The following TMEM117 variants were observed in gnomAD, a reference collection of about 807,000 sequenced individuals.
TMEM117 encodes the protein transmembrane protein 117.
Under a neutral mutation model 52.4 loss-of-function variants are expected in TMEM117, and 27 were observed. The observed-to-expected ratio is 0.51, with a 90% CI of 0.38 to 0.71. The LOEUF is 0.71. Ranked by LOEUF, TMEM117 falls within the 30% of genes least tolerant of loss-of-function variation. The pLI, the probability that TMEM117 is intolerant of heterozygous loss-of-function variation, is 0.00. For synonymous variants in TMEM117, 215 were observed against 206.3 expected (o/e 1.04, Z -0.36); for missense variants, 556 against 630.5 (o/e 0.88, Z 1.26).
chr12:43,912,652 A>G (rs1459779319), intron 2 of TMEM117, among the ~76,000 whole-genome samples: 1 of 151,682 alleles, frequency 6.6e-6, no homozygotes, highest in African/African-American at 2.4e-5. Flanking sequence ...TATGTGTTTA[A>G]TGAATGAAAA....
chr12:43,960,115 C>G (rs893615691), intron 3 of TMEM117, among the ~76,000 whole-genome samples: 5 of 152,164 alleles, frequency 3.3e-5, no homozygotes, highest in African/African-American at 1.2e-4. Context: ...TGGGTTCACT[C>G]TTAATTAGGC....
chr12:44,118,052 G>T (rs550208455), intron 3 of TMEM117, among the ~76,000 whole-genome samples: 3 of 150,902 alleles, frequency 2.0e-5, no homozygotes, highest in Non-Finnish European at 4.4e-5. Flanking sequence ...AAAAAAACAC[G>T]TACAGAGAAT....
intron 3 of TMEM117, among the ~76,000 whole-genome samples, chr12:44,085,932 A>C (rs1271220710): frequency 1.3e-5 from 2 of 152,154 alleles, no homozygotes; most frequent in Non-Finnish European, 2.9e-5. Context: ...TTTCAGAAAA[A>C]AGAGAAGAGG....
At chr12:44,296,510 G>A (rs145545174) in intron 5 of TMEM117, among the ~76,000 whole-genome samples, 1 of 152,168 alleles carries the variant, frequency 6.6e-6, no homozygotes, top group Non-Finnish European at 1.5e-5. Flanking sequence ...TTCAGCCTGA[G>A]GCCTATTTCT....
chr12:44,119,398 A>T (rs1038644119), intron 3 of TMEM117, among the ~76,000 whole-genome samples: 2 of 152,222 alleles, frequency 1.3e-5, no homozygotes, highest in Non-Finnish European at 2.9e-5. Context: ...GAATGAGATT[A>T]TTAATCTAGT....
At chr12:44,051,880 T>C (rs1425746341) in intron 3 of TMEM117, among the ~76,000 whole-genome samples, 3 of 152,356 alleles carry the variant, frequency 2.0e-5, no homozygotes, top group South Asian at 2.1e-4. Context: ...AATTTGTCAA[T>C]ACGATTTTAA....
At chr12:44,352,974 T>G (rs1313690311) in intron 6 of TMEM117, among the ~76,000 whole-genome samples, 1 of 152,164 alleles carries the variant, frequency 6.6e-6, no homozygotes, top group East Asian at 1.9e-4. Flanking sequence ...CCTGACTTTT[T>G]AATGATCGCC....
At chr12:44,224,163 C>G (rs556835279) in intron 5 of TMEM117, among the ~76,000 whole-genome samples, 2 of 152,268 alleles carry the variant, frequency 1.3e-5, no homozygotes, top group East Asian at 3.9e-4. Flanking sequence ...CACACATGCA[C>G]AACCTCATAT....
At chr12:44,218,857 C>G (rs1949753570) in intron 5 of TMEM117, among the ~76,000 whole-genome samples, 1 of 152,136 alleles carries the variant, frequency 6.6e-6, no homozygotes, top group African/African-American at 2.4e-5. Flanking sequence ...CACACTGCCA[C>G]TCTTCATGGT....
At position 44,023,669 on chromosome 12, in the gene TMEM117, GTTGT is replaced by G. The variant is rs1217570944; in HGVS notation, c.410+79334_410+79337del. ...TATCCTTTGCCCACTTTTTGATGGGGTTGTTTGTTTTTTTCTTGTAAATTTGTTT... is the reference window on the plus strand; with the variant it reads ...TATCCTTTGCCCACTTTTTGATGGGGTTGTTTTTTTCTTGTAAATTTGTTT... On this transcript the variant is annotated intron_variant, in intron 3 of 7. Coordinates refer to ENST00000266534, the MANE Select transcript of TMEM117 (RefSeq NM_032256.3). 1.3e-4 allele frequency among the ~76,000 whole-genome samples: 20 copies of G among 151,900 alleles called. 1 individual carries two copies. The South Asian group carries it at 4.0e-3, about 30-fold the overall frequency.
At chr12:44,251,855 A>T (rs549127502) in intron 5 of TMEM117, among the ~76,000 whole-genome samples, 1 of 152,184 alleles carries the variant, frequency 6.6e-6, no homozygotes, top group Non-Finnish European at 1.5e-5. Context: ...TAAAATGTGG[A>T]TTGGATCAGA....
At chr12:44,051,755 G>A (rs923814781) in intron 3 of TMEM117, among the ~76,000 whole-genome samples, 4 of 152,170 alleles carry the variant, frequency 2.6e-5, no homozygotes, top group Admixed American at 6.5e-5. Flanking sequence ...TGTCTCACAT[G>A]CACCCTATTC....
intron 5 of TMEM117, among the ~76,000 whole-genome samples, chr12:44,282,155 A>G (rs942244549): frequency 2.0e-5 from 3 of 152,242 alleles, no homozygotes; most frequent in African/African-American, 4.8e-5. Context: ...GCCTCCCACC[A>G]TGATTCTGAG....
intron 3 of TMEM117, among the ~76,000 whole-genome samples, chr12:44,021,276 A>G (rs756308874): frequency 2.6e-5 from 4 of 152,044 alleles, no homozygotes; most frequent in Non-Finnish European, 5.9e-5. Flanking sequence ...TCCACCCTCA[A>G]ATAGAACCTA....
chr12:44,321,936 G>T (rs1951136015), intron 6 of TMEM117, among the ~76,000 whole-genome samples: 1 of 152,094 alleles, frequency 6.6e-6, no homozygotes, highest in Admixed American at 6.6e-5. Flanking sequence ...TTTATTTGAT[G>T]GAAAGAGAAT....
the TMEM117 span, among the ~76,000 whole-genome samples, chr12:43,801,471 A>C: frequency 6.6e-6 from 1 of 152,256 alleles, no homozygotes; most frequent in South Asian, 2.1e-4. Flanking sequence ...TAATAAGAAA[A>C]ATTCAAATTA....
intron 3 of TMEM117, among the ~76,000 whole-genome samples, chr12:44,038,698 C>A (rs1043429678): frequency 2.0e-5 from 3 of 152,226 alleles, no homozygotes; most frequent in Non-Finnish European, 4.4e-5. Flanking sequence ...GATCCTGTGA[C>A]AATATTCCTC....
intron 4 of TMEM117, among the ~76,000 whole-genome samples, chr12:44,161,966 A>G (rs1334863165): frequency 6.6e-6 from 1 of 152,150 alleles, no homozygotes; most frequent in African/African-American, 2.4e-5. Flanking sequence ...ATCAAGGTAG[A>G]GGAGTATGGT....
rs1418855622 is a variant in TMEM117 at position 44,282,697 on chromosome 12, G to A, written c.609-16883G>A. ...TTTGGAATATTTGCAGCCTGACTATGTGACAGAAAAGAAAAGTCCATTTTC... is the reference window on the plus strand; with the variant it reads ...TTTGGAATATTTGCAGCCTGACTATATGACAGAAAAGAAAAGTCCATTTTC... On this transcript the variant is annotated intron_variant, in intron 5 of 7. Coordinates refer to ENST00000266534, the MANE Select transcript of TMEM117 (RefSeq NM_032256.3). Among the ~76,000 whole-genome samples, 5 of 152,238 alleles carry A rather than the reference G, an allele frequency of 3.3e-5. No individual in the cohort carries two copies. The East Asian group carries it at 9.6e-4, about 29-fold the overall frequency.
Sources: gnomAD v4.1 joint callset for allele counts (sites outside exome capture counted in the v4.1 genomes callset) on GRCh38, gnomAD v4.1.1 for gene constraint, MANE v1.5 for transcripts, NCBI Gene and HGNC (gene_info 2026-07-23, HGNC 2026-07-21) for gene names.